EIF2A: variants seen among roughly 807,000 people sequenced by gnomAD.
EIF2A encodes the protein 65 kDa eukaryotic translation initiation factor 2A.
In EIF2A, 62 loss-of-function variants were observed where a neutral mutation model predicts 75.2. The ratio of observed to expected loss-of-function variants is 0.82; its 90% CI spans 0.67 to 1.02. EIF2A has a LOEUF of 1.02. EIF2A is among the 50% of genes least tolerant of loss of function. The pLI is 0.00. For missense variants in EIF2A, 611 were observed against 677.7 expected (o/e 0.90, Z 1.09); for synonymous variants, 207 against 239.0 (o/e 0.87, Z 1.23).
chr3:150,556,840 GTTTA>G (rs1377710019), intron 2 of EIF2A, among the ~76,000 whole-genome samples: 5 of 152,186 alleles, frequency 3.3e-5, no homozygotes, highest in Admixed American at 3.3e-4. Context: ...ATAAGGGGGT[GTTTA>G]TTAAGTCAAA....
intron 11 of EIF2A, among the ~76,000 whole-genome samples, chr3:150,578,573 A>ACT: frequency 6.6e-6 from 1 of 152,094 alleles, no homozygotes; most frequent in Non-Finnish European, 1.5e-5. Flanking sequence ...TTTTTTTAAA[A>ACT]GAGCCAATAC....
At chr3:150,559,284 GTTGA>G (rs1454010278) in intron 3 of EIF2A, among the ~76,000 whole-genome samples, 1 of 152,116 alleles carries the variant, frequency 6.6e-6, no homozygotes, top group African/African-American at 2.4e-5. Context: ...TGTTGAATTA[GTTGA>G]TTCACCTTTT....
chr3:150,560,162 ATGGGATTC>A (rs1723775977), intron 3 of EIF2A, among the ~76,000 whole-genome samples: 1 of 152,152 alleles, frequency 6.6e-6, no homozygotes. Context: ...TTAACCTTCT[ATGGGATTC>A]AACTCTGAAT....
intron 9 of EIF2A, among the ~76,000 whole-genome samples, chr3:150,570,723 A>C (rs1265470989): frequency 5.3e-5 from 8 of 152,174 alleles, no homozygotes; most frequent in Admixed American, 6.5e-5. Flanking sequence ...ATGAAACTAC[A>C]CAGTATAGTT....
rs1201708373 is a variant in EIF2A, at chr3:150,568,222, A to C, written c.741A>C (p.Gly247=). The C allele has an allele frequency of 1.2e-6, 2 of 1,613,666 alleles. No homozygotes were observed. The highest frequency in any genetic ancestry group is 1.7e-6 in the Non-Finnish European group (2 of 1,179,784). ...CTAGCACAGATGTTGACAAGACAGG[A>C]GCTTCCTACTATGGAGAACAAACTC... ...VIASTDVDKT[G]ASYYGEQTLH... Residue 247 remains glycine (G), a synonymous_variant, in exon 9 of 14, where the codon GGA becomes GGC. Transcript: ENST00000460851.
chr3:150,552,628 T>A (rs1365522066), intron 2 of EIF2A: 3 of 440,758 alleles, frequency 6.8e-6, no homozygotes, highest in Non-Finnish European at 1.2e-5. Flanking sequence ...CTTAAGCCTA[T>A]TTATAAGGTA....
intron 9 of EIF2A, 103 bp downstream of exon 9, chr3:150,568,395 C>A: frequency 1.1e-6 from 1 of 929,676 alleles, no homozygotes; most frequent in Non-Finnish European, 1.5e-6. Context: ...AGATAGAATT[C>A]ATATGCCTTA....
In EIF2A at chr3:150,552,454, T is replaced by C. The variant is rs771743705; in HGVS notation, c.98+29T>C. 2.0e-5 allele frequency: 30 copies of C among 1,530,450 alleles called. 1 individual carries two copies. The East Asian group carries it at 7.4e-4, about 38-fold the overall frequency. The allele number at this position is 1,530,450 out of a possible 1,614,324, so 94.8% of individuals were successfully genotyped here. A position where few individuals can be genotyped will look rare whatever the true frequency, so the allele number is the denominator to read the frequency against. On this transcript the variant is annotated intron_variant, in intron 2 of 13. Transcript: ENST00000460851. ...TGATTTATTTTGTTAAGTAATGTTA[T>C]AGGGAACATACAGTACAATCTAAAA...
rs66935400 is a variant in EIF2A at position 150,585,526 on chromosome 3, CACAA to C, written c.*1617_*1620del. 0.54 allele frequency: 80,260 copies of C among 147,720 alleles called. 21,846 individuals carry two copies. The highest frequency in any genetic ancestry group is 0.89 in the East Asian group (4,582 of 5,138). 9.2% of individuals were successfully genotyped at this position (147,720 alleles called of 1,614,324 possible). A position where few individuals can be genotyped will look rare whatever the true frequency, so the allele number is the denominator to read the frequency against. ...CAAGAGTGAAACCGTCTCACACACA[CACAA>C]AAAAAAATATTTTGGAGCTCCTTCT... On this transcript the variant is annotated 3_prime_UTR_variant, in exon 14 of 14. Transcript: ENST00000460851.
At chr3:150,549,134 T>TA (rs397743516) in intron 1 of EIF2A, among the ~76,000 whole-genome samples, 1 of 151,946 alleles carries the variant, frequency 6.6e-6, no homozygotes, top group Admixed American at 6.6e-5. Context: ...TTTTTTTTTT[T>TA]AAACTCGTAT....
chr3:150,553,416 C>T (rs906031018), intron 2 of EIF2A, among the ~76,000 whole-genome samples: 1 of 150,146 alleles, frequency 6.7e-6, no homozygotes, highest in Admixed American at 6.6e-5. Flanking sequence ...CTGCAAAATT[C>T]TTTTTTTTTG....
In EIF2A at chr3:150,583,917, C is replaced by G. The variant is rs1054450414; in HGVS notation, c.*6C>G. On this transcript the variant is annotated 3_prime_UTR_variant, in exon 14 of 14. Transcript: ENST00000460851. ...ATTTGGAATTGGGTATTTAAAGATTCACGGAAAGCAAGTTGATGACCAGAA... is the reference window on the plus strand; with the variant it reads ...ATTTGGAATTGGGTATTTAAAGATTGACGGAAAGCAAGTTGATGACCAGAA... 6 of 1,613,270 alleles carry G rather than the reference C, an allele frequency of 3.7e-6. No individual in the cohort carries two copies. In the African/African-American group the frequency reaches 6.7e-5, roughly 18 times the overall value.
intron 10 of EIF2A, among the ~76,000 whole-genome samples, chr3:150,575,105 C>T (rs777469263): frequency 2.0e-5 from 3 of 151,830 alleles, no homozygotes; most frequent in Non-Finnish European, 2.9e-5. Flanking sequence ...TTTTTTTGGT[C>T]TCTTCATATG....
At chr3:150,578,144 T>C (rs1440432558) in intron 11 of EIF2A, among the ~76,000 whole-genome samples, 7 of 152,030 alleles carry the variant, frequency 4.6e-5, no homozygotes, top group African/African-American at 1.7e-4. Flanking sequence ...TGAAACGCAC[T>C]CAACTTAGAA....
chr3:150,573,228 A>G (rs1018446828), intron 10 of EIF2A, among the ~76,000 whole-genome samples: 1 of 152,132 alleles, frequency 6.6e-6, no homozygotes, highest in African/African-American at 2.4e-5. Context: ...TACTTTGAAA[A>G]TGGTGATGAA....
At chr3:150,549,115 A>G (rs1261635895) in intron 1 of EIF2A, among the ~76,000 whole-genome samples, 1 of 137,038 alleles carries the variant, frequency 7.3e-6, no homozygotes, top group African/African-American at 2.6e-5. Flanking sequence ...AAAGCAGGTG[A>G]AAAAGGGATT....
chr3:150,553,287 C>T (rs67548051), intron 2 of EIF2A, among the ~76,000 whole-genome samples: 20,105 of 145,108 alleles, frequency 0.14, 1,478 homozygotes, highest in Non-Finnish European at 0.16. Flanking sequence ...CAGGGCATTG[C>T]ACTCCAGCCT....
intron 2 of EIF2A, among the ~76,000 whole-genome samples, chr3:150,556,061 C>T (rs1046530164): frequency 5.3e-5 from 8 of 152,120 alleles, no homozygotes; most frequent in South Asian, 2.1e-4. Context: ...CATGTGCTGC[C>T]GCAGTGCATG....
At chr3:150,569,454 G>A (rs1724382938) in intron 9 of EIF2A, among the ~76,000 whole-genome samples, 1 of 151,602 alleles carries the variant, frequency 6.6e-6, no homozygotes, top group South Asian at 2.1e-4. Context: ...CTGGCTGTAA[G>A]GTTGGTGTTG....
Sources: allele counts gnomAD v4.1 joint callset (sites outside exome capture counted in the v4.1 genomes callset), GRCh38; gene constraint gnomAD v4.1.1; transcripts MANE v1.5; gene names NCBI Gene and HGNC (gene_info 2026-07-23, HGNC 2026-07-21).